CACNB1: variants seen among roughly 807,000 people sequenced by gnomAD.
CACNB1 encodes the protein voltage-dependent L-type calcium channel subunit beta-1.
Under a neutral mutation model 71.6 loss-of-function variants are expected in CACNB1, and 29 were observed. The observed-to-expected ratio is 0.40, with a 90% CI of 0.30 to 0.55. The LOEUF is 0.55. CACNB1 is among the 20% of genes least tolerant of loss of function. The pLI is 0.38. For synonymous variants in CACNB1, 300 were observed against 319.6 expected, an observed-to-expected ratio of 0.94 and a Z score of 0.65; for missense variants, 623 against 801.8, an observed-to-expected ratio of 0.78 and a Z score of 2.69.
chr17:39,196,956 C>T (rs112382392), intron 1 of CACNB1, among the ~76,000 whole-genome samples: 7,142 of 152,118 alleles, frequency 0.047, 474 homozygotes, highest in African/African-American at 0.15. Context: ...TTGGCACCGC[C>T]CTCTGACCAT....
chr17:39,185,815 C>T (rs906654592), intron 6 of CACNB1: 3 of 910,750 alleles, frequency 3.3e-6, no homozygotes, highest in Non-Finnish European at 3.3e-6. Context: ...GCTACCCTTC[C>T]CTCCACCTCA....
intron 2 of CACNB1, chr17:39,193,481 C>G (rs746605084): frequency 2.2e-6 from 1 of 453,868 alleles, no homozygotes; most frequent in South Asian, 1.6e-5. Flanking sequence ...GCCTCCATCC[C>G]GGCACCCTCA....
rs572579220 is a variant in CACNB1 at position 39,173,997 on chromosome 17, G to A, written c.*1196C>T. 372 of 152,866 alleles carry A rather than the reference G, an allele frequency of 2.4e-3. No homozygotes were observed. Among genetic ancestry groups the A allele is most frequent in the Non-Finnish European group, 3.3e-3 (228 of 68,078 alleles). The allele number at this position is 152,866 out of a possible 1,614,324, so 9.5% of individuals were successfully genotyped here. On this transcript the variant is annotated 3_prime_UTR_variant, in exon 14 of 14. Coordinates refer to ENST00000394303, the MANE Select transcript of CACNB1 (RefSeq NM_000723.5). Reference sequence around the variant, plus strand: ...GTGGGACATTGGCACAGGAGGTGGCGAGACAGGCATGAGGTGCCCATCCCT... The same window carrying A: ...GTGGGACATTGGCACAGGAGGTGGCAAGACAGGCATGAGGTGCCCATCCCT...
chr17:39,186,261 G>A lies in CACNB1; in HGVS notation c.628+235C>T. ...ACAGGGCTGGGAGAAATGAATGGGG[G>A]CAGGGCAGGGGAATCAGGCAGAGAG... On this transcript the variant is annotated intron_variant, in intron 6 of 13. Coordinates refer to ENST00000394303, the MANE Select transcript of CACNB1 (RefSeq NM_000723.5). The surrounding 1 kb of genome is among the most constrained non-coding windows in gnomAD (Gnocchi z 4.1). The A allele has an allele frequency of 1.5e-6, 1 of 671,594 alleles. No individual in the cohort carries two copies. Among genetic ancestry groups the A allele is most frequent in the Non-Finnish European group, 2.6e-6 (1 of 388,316 alleles). 41.6% of individuals were successfully genotyped at this position (671,594 alleles called of 1,614,324 possible). A position where few individuals can be genotyped will look rare whatever the true frequency, so the allele number is the denominator to read the frequency against.
In CACNB1 at chr17:39,185,823, T is replaced by A; in HGVS notation, c.628+673A>T. The stretch of plus-strand genomic sequence containing the variant: ...TGCCCATGCTACCCTTCCCTCCACC[T>A]CAGCAGGAAGCCCTGATGCCCACAG... On this transcript the variant is annotated intron_variant, in intron 6 of 13. Transcript: ENST00000394303. 3.9e-6 allele frequency: 4 copies of A among 1,013,020 alleles called. No homozygotes were observed. The South Asian group carries it at 5.0e-5, about 13-fold the overall frequency. The allele number at this position is 1,013,020 out of a possible 1,614,324, so 62.8% of individuals were successfully genotyped here. A position where few individuals can be genotyped will look rare whatever the true frequency, so the allele number is the denominator to read the frequency against.
chr17:39,185,556 G>GCCAC lies in CACNB1; in HGVS notation c.629-407_629-406insGTGG, dbSNP rs546943299. ...TAACTGTCTTGCTTTGCAGCCAGCA[G>GCCAC]CCCCCCCCCACTATGTGCCCACCCA... is the stretch of plus-strand genomic sequence containing the variant. On this transcript the variant is annotated intron_variant, in intron 6 of 13. Coordinates refer to ENST00000394303, the MANE Select transcript of CACNB1 (RefSeq NM_000723.5). Among the ~76,000 whole-genome samples, 372 of 149,944 alleles carry GCCAC rather than the reference G, an allele frequency of 2.5e-3. 1 individual carries two copies. The highest frequency in any genetic ancestry group is 8.8e-3 in the African/African-American group (357 of 40,496).
intron 13 of CACNB1, among the ~76,000 whole-genome samples, chr17:39,176,972 T>A (rs1336999054): frequency 1.3e-5 from 2 of 152,048 alleles, no homozygotes; most frequent in Non-Finnish European, 2.9e-5. Context: ...GTCCAGCGAA[T>A]CAGTTTATCA....
intron 9 of CACNB1, 66 bp from the exon 10 acceptor site, chr17:39,184,206 G>A: frequency 7.6e-7 from 1 of 1,320,936 alleles, no homozygotes; most frequent in Non-Finnish European, 1.1e-6. Flanking sequence ...CCACTCCCCA[G>A]TTCCAGGCCC....
intron 2 of CACNB1, chr17:39,193,315 C>T (rs765806226): frequency 9.5e-5 from 33 of 346,684 alleles, no homozygotes; most frequent in Non-Finnish European, 1.3e-4. Context: ...CGCATACACA[C>T]GCACACATCA....
chr17:39,175,179 G>T lies in CACNB1; in HGVS notation c.*14C>A. On this transcript the variant is annotated 3_prime_UTR_variant, in exon 14 of 14. Transcript: ENST00000394303. This position sits in a 1 kb window ranked among gnomAD's most constrained non-coding sequence, Gnocchi z 4.7. The stretch of plus-strand genomic sequence containing the variant: ...GGCTCAGAGCCCTTCCTCCCGCCGT[G>T]TGGCCCCTGCCTCTCAGCGAATGTA... The T allele has an allele frequency of 6.3e-7, 1 of 1,592,708 alleles. No homozygotes were observed. The highest frequency in any genetic ancestry group is 1.1e-5 in the South Asian group (1 of 88,784).
rs140272793 is a variant in CACNB1, at chr17:39,176,500, T to G, written c.1333-843A>C. ...GCATTGGGTGGGAAGGGCACAGAAG[T>G]GCTTCAGGGGTCCCCATGGAGGTGG... On this transcript the variant is annotated intron_variant, in intron 13 of 13. Coordinates refer to ENST00000394303, the MANE Select transcript of CACNB1 (RefSeq NM_000723.5). Among the ~76,000 whole-genome samples the G allele has an allele frequency of 1.3e-5, 2 of 152,214 alleles. 1 individual carries two copies. The highest frequency in any genetic ancestry group is 3.9e-4 in the East Asian group (2 of 5,170).
At chr17:39,181,080 G>A (rs776839308) in intron 11 of CACNB1, among the ~76,000 whole-genome samples, 13 of 151,822 alleles carry the variant, frequency 8.6e-5, no homozygotes, top group South Asian at 2.1e-4. Context: ...GATACCAAGC[G>A]TTTATTTTTA....
rs923015504 is a variant in CACNB1, at chr17:39,186,668, C to T, written c.552-96G>A. Reference sequence around the variant, plus strand: ...GCGGCACCCCCGGAGGTGCTCCAGCCCCACTGGTGATGCCACAGGCAGCTC... The same window carrying T: ...GCGGCACCCCCGGAGGTGCTCCAGCTCCACTGGTGATGCCACAGGCAGCTC... On this transcript the variant is annotated intron_variant, in intron 5 of 13. Coordinates refer to ENST00000394303, the MANE Select transcript of CACNB1 (RefSeq NM_000723.5). This position sits in a 1 kb window ranked among gnomAD's most constrained non-coding sequence, Gnocchi z 4.1. 4 of 1,511,474 alleles carry T rather than the reference C, an allele frequency of 2.6e-6. No individual in the cohort carries two copies. The African/African-American group carries it at 5.5e-5, about 21-fold the overall frequency. The allele number at this position is 1,511,474 out of a possible 1,614,324, so 93.6% of individuals were successfully genotyped here. A position where few individuals can be genotyped will look rare whatever the true frequency, so the allele number is the denominator to read the frequency against.
intron 12 of CACNB1, 147 bp downstream of exon 12, chr17:39,177,837 G>T: frequency 1.4e-6 from 1 of 692,668 alleles, no homozygotes; most frequent in Non-Finnish European, 2.6e-6. Context: ...TGACTGACGG[G>T]ACCTGCGCTC....
Position 39,186,006 on chromosome 17 carries a change from C to T in CACNB1, c.628+490G>A. 6.2e-7 allele frequency: 1 copy of T among 1,613,772 alleles called. No homozygotes were observed. The highest frequency in any genetic ancestry group is 8.5e-7 in the Non-Finnish European group (1 of 1,179,892). The stretch of plus-strand genomic sequence containing the variant: ...GGTGGCGGGGTGGTGACACTGCTAA[C>T]ACTAGTCTTGGCAGAGCCACTCTGC... On this transcript the variant is annotated intron_variant, in intron 6 of 13. Transcript: ENST00000394303. The surrounding 1 kb of genome is among the most constrained non-coding windows in gnomAD (Gnocchi z 4.1).
rs150041676 is a variant in CACNB1, at chr17:39,183,767, C to G, written c.996G>C (p.Leu332=). 6.8e-6 allele frequency: 11 copies of G among 1,613,618 alleles called. No individual in the cohort carries two copies. Among genetic ancestry groups the G allele is most frequent in the Non-Finnish European group, 8.5e-6 (10 of 1,179,830 alleles). ...DADTINHPAQ[L]SKTSLAPIIV... is the part of the protein sequence containing the mutation. ...TGATGGGGGCCAGCGAGGTCTTGGA[C>G]AGCTGGGCTGGGTGATTGATGGTGT... is the stretch of plus-strand genomic sequence containing the variant. Residue 332 remains leucine (L), a synonymous_variant, in exon 11 of 14, where the codon CTG becomes CTC. Coordinates refer to ENST00000394303, the MANE Select transcript of CACNB1 (RefSeq NM_000723.5).
chr17:39,187,530 C>A lies in CACNB1; in HGVS notation c.363G>T (p.Val121=). 2 of 1,614,182 alleles carry A rather than the reference C, an allele frequency of 1.2e-6. No homozygotes were observed. Among genetic ancestry groups the A allele is most frequent in the Non-Finnish European group, 1.7e-6 (2 of 1,180,024 alleles). ...YNPSPGDEVP[V]QGVAITFEPK... Reference sequence around the variant, plus strand: ...GCTCGAAGGTGATGGCCACTCCCTGCACAGGCACCTCATCCCCTGGAGACG... The same window carrying A: ...GCTCGAAGGTGATGGCCACTCCCTGAACAGGCACCTCATCCCCTGGAGACG... Residue 121 remains valine, a synonymous_variant, in exon 4 of 14, where the codon GTG becomes GTT. Coordinates refer to ENST00000394303, the MANE Select transcript of CACNB1 (RefSeq NM_000723.5).
intron 12 of CACNB1, 144 bp from the exon 13 acceptor site, chr17:39,177,679 G>T (rs1017037535): frequency 8.9e-6 from 6 of 673,430 alleles, no homozygotes; most frequent in African/African-American, 1.8e-5. Flanking sequence ...AAGGGAAGGA[G>T]AGCTCTCAGA....
At chr17:39,179,019 TG>T (rs1413720127) in intron 11 of CACNB1, among the ~76,000 whole-genome samples, 1 of 151,992 alleles carries the variant, frequency 6.6e-6, no homozygotes. Flanking sequence ...ACTGGCTGGG[TG>T]CGGTGGGTCA....
Sources: gnomAD v4.1 joint callset for allele counts (sites outside exome capture counted in the v4.1 genomes callset) on GRCh38, gnomAD v4.1.1 for gene constraint, Gnocchi (gnomAD v3.1) non-coding constraint, MANE v1.5 for transcripts, NCBI Gene and HGNC (gene_info 2026-07-23, HGNC 2026-07-21) for gene names.